Variants in CAMKMT observed in about 807,000 individuals in gnomAD.
CAMKMT encodes CaM KMT.
In CAMKMT, 53 loss-of-function variants were observed where a neutral mutation model predicts 48.0. That is an observed-to-expected ratio of 1.10 (90% CI 0.89 to 1.39). CAMKMT has a LOEUF of 1.39. Ranked by LOEUF, CAMKMT falls within the 40% of genes most tolerant of loss-of-function variation. The probability of loss-of-function intolerance (pLI) is 0.00; values close to 1 mark genes in which losing one functional copy is unlikely to be tolerated. For missense variants in CAMKMT, 428 were observed against 402.7 expected (o/e 1.06, Z -0.54); for synonymous variants, 165 against 152.3 (o/e 1.08, Z -0.61).
At chr2:44,673,023 A>G (rs1005594416) in intron 3 of CAMKMT, among the ~76,000 whole-genome samples, 2 of 152,178 alleles carry the variant, frequency 1.3e-5, no homozygotes, top group African/African-American at 4.8e-5. Context: ...TAATGATCTT[A>G]ATTGTGTATT....
At chr2:44,476,925 C>T (rs969627283) in intron 3 of CAMKMT, among the ~76,000 whole-genome samples, 11 of 152,038 alleles carry the variant, frequency 7.2e-5, no homozygotes, top group Non-Finnish European at 1.0e-4. Flanking sequence ...TATATCCCAG[C>T]TATTATTATT....
intron 3 of CAMKMT, among the ~76,000 whole-genome samples, chr2:44,397,557 A>G (rs1218509053): frequency 6.6e-6 from 1 of 152,160 alleles, no homozygotes; most frequent in African/African-American, 2.4e-5. Context: ...TTAGCTCCAC[A>G]GTTGTCAGGA....
intron 3 of CAMKMT, among the ~76,000 whole-genome samples, chr2:44,469,072 C>G (rs1668277890): frequency 6.6e-6 from 1 of 151,994 alleles, no homozygotes. Context: ...TTAATGTATA[C>G]AATATTAAAG....
chr2:44,503,384 G>C (rs1232748632), intron 3 of CAMKMT, among the ~76,000 whole-genome samples: 2 of 152,026 alleles, frequency 1.3e-5, no homozygotes, highest in African/African-American at 2.4e-5. Context: ...TGGTCTATTG[G>C]GAAATCAGAT....
chr2:44,478,300 A>T lies in CAMKMT; in HGVS notation c.376+87995A>T, dbSNP rs186922628. ...TCTTTGTTTTGTTCTAAGTCTATAT[A>T]TTTTTTTTCTTGCCACCATTTGCTG... On this transcript the variant is annotated intron_variant, in intron 3 of 10. Transcript: ENST00000378494. Among the ~76,000 whole-genome samples, 1,370 of 151,766 alleles carry T rather than the reference A, an allele frequency of 9.0e-3. 13 individuals carry two copies. The highest frequency in any genetic ancestry group is 0.026 in the African/African-American group (1,062 of 41,360).
chr2:44,383,216 G>A (rs935883988), intron 2 of CAMKMT, among the ~76,000 whole-genome samples: 1 of 151,884 alleles, frequency 6.6e-6, no homozygotes, highest in African/African-American at 2.4e-5. Flanking sequence ...CCAGGCTGGA[G>A]TGCAGTGGCG....
At chr2:44,702,812 G>C (rs1272860779) in intron 3 of CAMKMT, among the ~76,000 whole-genome samples, 1 of 152,150 alleles carries the variant, frequency 6.6e-6, no homozygotes, top group Non-Finnish European at 1.5e-5. Flanking sequence ...AATGCTCTAT[G>C]GAGACACCTC....
chr2:44,555,405 T>C (rs1667953503), intron 3 of CAMKMT, among the ~76,000 whole-genome samples: 1 of 152,158 alleles, frequency 6.6e-6, no homozygotes, highest in Admixed American at 6.5e-5. Context: ...GTTTGACATA[T>C]TGCTGAAGCA....
intron 2 of CAMKMT, among the ~76,000 whole-genome samples, chr2:44,385,226 C>CTT (rs963181130): frequency 1.0e-4 from 15 of 145,744 alleles, no homozygotes; most frequent in Non-Finnish European, 1.8e-4. Flanking sequence ...CTAAGTATTC[C>CTT]TTTTTTTTTT....
chr2:44,705,750 G>T (rs1364089986), intron 4 of CAMKMT, among the ~76,000 whole-genome samples: 1 of 151,840 alleles, frequency 6.6e-6, no homozygotes, highest in East Asian at 1.9e-4. Flanking sequence ...TTCTTTATGG[G>T]GACTGTTCAG....
intron 3 of CAMKMT, among the ~76,000 whole-genome samples, chr2:44,522,748 G>A (rs926518497): frequency 6.6e-6 from 1 of 152,058 alleles, no homozygotes. Context: ...GTTTTTTAAC[G>A]CAGCAAGTCC....
intron 3 of CAMKMT, among the ~76,000 whole-genome samples, chr2:44,685,016 C>G (rs1231607177): frequency 1.3e-5 from 2 of 151,844 alleles, no homozygotes; most frequent in Admixed American, 1.3e-4. Flanking sequence ...TAGAACAATT[C>G]GTTGCTATTC....
At chr2:44,608,594 T>C (rs1671430320) in intron 3 of CAMKMT, among the ~76,000 whole-genome samples, 1 of 152,196 alleles carries the variant, frequency 6.6e-6, no homozygotes. Flanking sequence ...TTATAAAATA[T>C]ATTTTCTTCA....
intron 8 of CAMKMT, among the ~76,000 whole-genome samples, chr2:44,750,868 C>T (rs1680126587): frequency 6.6e-6 from 1 of 152,196 alleles, no homozygotes; most frequent in African/African-American, 2.4e-5. Context: ...CAAAAATTAG[C>T]TGGGCATGAT....
chr2:44,433,427 A>G (rs917566487), intron 3 of CAMKMT, among the ~76,000 whole-genome samples: 2 of 152,118 alleles, frequency 1.3e-5, no homozygotes, highest in Non-Finnish European at 2.9e-5. Flanking sequence ...GTTGTCAATG[A>G]TATAAGCATT....
intron 3 of CAMKMT, among the ~76,000 whole-genome samples, chr2:44,513,148 G>T (rs900363234): frequency 6.6e-6 from 1 of 152,126 alleles, no homozygotes; most frequent in Non-Finnish European, 1.5e-5. Context: ...TTTAGAGGGA[G>T]AAATGCCCTC....
intron 3 of CAMKMT, chr2:44,394,933 A>G (rs1173921530): frequency 2.2e-6 from 1 of 455,056 alleles, no homozygotes; most frequent in Non-Finnish European, 4.4e-6. Flanking sequence ...CTAAGGCTGG[A>G]TGATTGCTTG....
At chr2:44,630,797 T>C (rs1327097411) in intron 3 of CAMKMT, among the ~76,000 whole-genome samples, 1 of 151,292 alleles carries the variant, frequency 6.6e-6, no homozygotes, top group Non-Finnish European at 1.5e-5. Context: ...ACACTGTTGG[T>C]GGGACTGTAA....
intron 3 of CAMKMT, among the ~76,000 whole-genome samples, chr2:44,558,505 AATAG>A (rs1381717607): frequency 6.6e-6 from 1 of 152,196 alleles, no homozygotes; most frequent in African/African-American, 2.4e-5. Context: ...GTCTATCTTC[AATAG>A]ATAGAGTTCA....
Sources: allele counts gnomAD v4.1 joint callset (sites outside exome capture counted in the v4.1 genomes callset), GRCh38; gene constraint gnomAD v4.1.1; transcripts MANE v1.5; gene names NCBI Gene and HGNC (gene_info 2026-07-23, HGNC 2026-07-21).